SGCE: variants seen among roughly 807,000 people sequenced by gnomAD.
The protein encoded by SGCE is sarcoglycan epsilon, also known as epsilon-sarcoglycan.
A neutral mutation model predicts 57.8 loss-of-function variants in SGCE; 26 were observed. That is an observed-to-expected ratio of 0.45 (90% CI 0.33 to 0.62). SGCE has a LOEUF of 0.62. Ranked by LOEUF, SGCE falls within the 20% of genes least tolerant of loss-of-function variation. The pLI is 0.02. For missense variants in SGCE, 468 were observed against 548.6 expected, an observed-to-expected ratio of 0.85 and a Z score of 1.47; for synonymous variants, 183 against 189.5, an observed-to-expected ratio of 0.97 and a Z score of 0.28.
intron 10 of SGCE, chr7:94,586,525 A>T (rs1008797258): frequency 7.2e-5 from 11 of 151,878 alleles, no homozygotes; most frequent in African/African-American, 2.7e-4. Flanking sequence ...TTTGATTCAG[A>T]GTCTCACTCT....
chr7:94,631,061 T>C (rs116416151), intron 1 of SGCE, among the ~76,000 whole-genome samples: 413 of 152,040 alleles, frequency 2.7e-3, no homozygotes, highest in African/African-American at 9.5e-3. Context: ...AAAACATAAC[T>C]TCAAAGGCTG....
intron 3 of SGCE, chr7:94,627,940 T>A: frequency 2.5e-6 from 1 of 400,730 alleles, no homozygotes; most frequent in Non-Finnish European, 4.6e-6. Context: ...AGAATTCATA[T>A]TATAATAATC....
intron 5 of SGCE, 81 bp downstream of exon 5, chr7:94,618,677 A>G (rs1802305864): frequency 8.5e-7 from 1 of 1,172,268 alleles, no homozygotes; most frequent in Middle Eastern, 2.0e-4. Flanking sequence ...GCAATAGGCC[A>G]TCTTCCATCT....
At chr7:94,587,317 A>G in intron 10 of SGCE, 6 of 996,962 alleles carry the variant, frequency 6.0e-6, no homozygotes, top group Non-Finnish European at 7.2e-6. Flanking sequence ...CCTAGTGGGT[A>G]AGTAAGTAAA....
At chr7:94,641,205 G>C (rs147757760) in intron 1 of SGCE, among the ~76,000 whole-genome samples, 4 of 152,268 alleles carry the variant, frequency 2.6e-5, no homozygotes, top group African/African-American at 9.6e-5. Flanking sequence ...GAGGATGAGA[G>C]CTTAGAAAAG....
At chr7:94,624,631 T>C (rs528837138) in intron 3 of SGCE, 1 of 163,836 alleles carries the variant, frequency 6.1e-6, no homozygotes, top group Non-Finnish European at 1.3e-5. Flanking sequence ...AAATGAAACA[T>C]ACAAAAAATG....
intron 1 of SGCE, among the ~76,000 whole-genome samples, chr7:94,651,448 A>G (rs918470446): frequency 9.2e-5 from 14 of 152,200 alleles, no homozygotes; most frequent in African/African-American, 3.1e-4. Context: ...GAACGTATAC[A>G]CCTCGCCGGT....
At position 94,603,394 on chromosome 7, in the gene SGCE, T is replaced by A; in HGVS notation, c.721A>T (p.Asn241Tyr). The change falls in exon 6 of 11, where the codon AAT becomes TAT. Residue 241 changes from asparagine (N) to tyrosine (Y), a missense_variant. By Grantham distance (143) the Asn-to-Tyr change is moderately radical (BLOSUM62 -2). Coordinates refer to ENST00000648936, the MANE Select transcript of SGCE (RefSeq NM_003919.3). ...CTACATCTCAATTGATTCTGTGGAT[T>A]TTCAACTTCTCGTAAACAAGAAGAA... The part of the protein sequence containing the change: ...PFSSCLREVE[N>Y]PQNQLRCSQE... 1 of 1,613,348 alleles carries A rather than the reference T, an allele frequency of 6.2e-7. No individual in the cohort carries two copies. The highest frequency in any genetic ancestry group is 8.5e-7 in the Non-Finnish European group (1 of 1,179,474).
At chr7:94,637,111 A>G (rs568413710) in intron 1 of SGCE, among the ~76,000 whole-genome samples, 2 of 152,098 alleles carry the variant, frequency 1.3e-5, no homozygotes, top group African/African-American at 4.8e-5. Context: ...TTTATTTTAT[A>G]TATAAATGAT....
Position 94,627,803 on chromosome 7 carries a change from C to G in SGCE, c.390+399G>C. The G allele has an allele frequency of 1.5e-5, 3 of 199,148 alleles. No individual in the cohort carries two copies. In the South Asian group the frequency reaches 2.6e-4, roughly 17 times the overall value. 12.3% of individuals were successfully genotyped at this position (199,148 alleles called of 1,614,324 possible). On this transcript the variant is annotated intron_variant, in intron 3 of 10. Transcript: ENST00000648936. ...TTATTTATCATTCTATCCCTAAGCACCTATCACAATGCTTGGCAAGTAGCA... is the reference window on the plus strand; with the variant it reads ...TTATTTATCATTCTATCCCTAAGCAGCTATCACAATGCTTGGCAAGTAGCA...
chr7:94,592,668 T>A (rs1797866585), intron 9 of SGCE, among the ~76,000 whole-genome samples: 1 of 152,018 alleles, frequency 6.6e-6, no homozygotes, highest in Admixed American at 6.6e-5. Flanking sequence ...AATAAGTGAG[T>A]TGGGGGGAGT....
intron 6 of SGCE, among the ~76,000 whole-genome samples, chr7:94,602,573 A>G (rs910795132): frequency 2.6e-5 from 4 of 152,038 alleles, no homozygotes; most frequent in Non-Finnish European, 5.9e-5. Flanking sequence ...AGTTGGATAC[A>G]TTAATATGAA....
chr7:94,609,405 T>C (rs1423541840), intron 5 of SGCE, among the ~76,000 whole-genome samples: 1 of 152,164 alleles, frequency 6.6e-6, no homozygotes, highest in African/African-American at 2.4e-5. Flanking sequence ...CATGCTTCTA[T>C]AGTCCCAGCT....
intron 3 of SGCE, chr7:94,627,030 A>G (rs1030084337): frequency 1.3e-5 from 2 of 152,086 alleles, no homozygotes; most frequent in Non-Finnish European, 2.9e-5. Context: ...GAATATTTAA[A>G]AAAATTAATT....
intron 9 of SGCE, 30 bp from the exon 10 acceptor site, chr7:94,588,762 CTGTT>C (rs1192339593): frequency 5.0e-6 from 8 of 1,613,076 alleles, no homozygotes; most frequent in African/African-American, 4.0e-5. Context: ...TTGAGTAAAA[CTGTT>C]TGTTTACACA....
At position 94,588,715 on chromosome 7, in the gene SGCE, G is replaced by C; in HGVS notation, c.1271C>G (p.Thr424Ser). Reference protein sequence around the residue: ...MQTQQNLPHQTQIPQQQTTGK... With the variant: ...MQTQQNLPHQSQIPQQQTTGK... ...TGTAGTCTGCTGTTGGGGAATCTGAGTCTGATGTGGCAAGTTCCTAGAAAT... is the reference window on the plus strand; with the variant it reads ...TGTAGTCTGCTGTTGGGGAATCTGACTCTGATGTGGCAAGTTCCTAGAAAT... The change falls in exon 10 of 11, where the codon ACT becomes AGT. Residue 424 changes from threonine to serine, a missense_variant. Thr to Ser is a moderately conservative substitution (Grantham distance 58). Coordinates refer to ENST00000648936, the MANE Select transcript of SGCE (RefSeq NM_003919.3). The C allele has an allele frequency of 6.2e-7, 1 of 1,610,960 alleles. No individual in the cohort carries two copies. The highest frequency in any genetic ancestry group is 1.3e-5 in the African/African-American group (1 of 74,926).
chr7:94,620,328 T>G (rs1380785296), intron 4 of SGCE: 1 of 152,212 alleles, frequency 6.6e-6, no homozygotes, highest in Non-Finnish European at 1.5e-5. Context: ...GCCCTAATCA[T>G]AGAAAGTTCT....
At chr7:94,594,285 A>G (rs957791526) in intron 9 of SGCE, 2 of 152,126 alleles carry the variant, frequency 1.3e-5, no homozygotes, top group African/African-American at 4.8e-5. Flanking sequence ...CCAGGAATGA[A>G]TTTTAATAAC....
At chr7:94,618,570 G>A in intron 5 of SGCE, 188 bp downstream of exon 5, 2 of 569,458 alleles carry the variant, frequency 3.5e-6, no homozygotes, top group Non-Finnish European at 6.1e-6. Context: ...AGGAACTTGA[G>A]ATATAAAAAA....
Sources: allele counts gnomAD v4.1 joint callset (sites outside exome capture counted in the v4.1 genomes callset), GRCh38; gene constraint gnomAD v4.1.1; transcripts MANE v1.5; gene names NCBI Gene and HGNC (gene_info 2026-07-23, HGNC 2026-07-21).